Variants in PARD3B observed in about 807,000 individuals in gnomAD.
The protein encoded by PARD3B is partitioning defective 3 homolog B.
PARD3B carries 103 observed loss-of-function variants against 130.2 expected under a neutral mutation model. The observed-to-expected ratio is 0.79, with a 90% confidence interval of 0.67 to 0.93. The LOEUF (loss-of-function observed/expected upper bound fraction) is 0.93, where lower values mean the gene tolerates loss of function less well. PARD3B is among the 40% of genes least tolerant of loss of function. The pLI is 0.00. For synonymous variants in PARD3B, 583 were observed against 553.2 expected (o/e 1.05, Z -0.76); for missense variants, 1,609 against 1,499.2 (o/e 1.07, Z -1.21).
intron 16 of PARD3B, among the ~76,000 whole-genome samples, chr2:205,272,502 T>C (rs1454097171): frequency 6.6e-6 from 1 of 152,174 alleles, no homozygotes; most frequent in Non-Finnish European, 1.5e-5. Flanking sequence ...TGTGTTTGAC[T>C]GCAAATAACA....
intron 20 of PARD3B, among the ~76,000 whole-genome samples, chr2:205,466,820 C>A (rs2048640819): frequency 1.3e-5 from 2 of 152,224 alleles, no homozygotes; most frequent in South Asian, 2.1e-4. Flanking sequence ...TCAAGCGATT[C>A]TTCTGCCTCA....
intron 18 of PARD3B, among the ~76,000 whole-genome samples, chr2:205,368,952 G>T (rs1200869012): frequency 6.6e-6 from 1 of 152,048 alleles, no homozygotes; most frequent in African/African-American, 2.4e-5. Flanking sequence ...TGAATCAAAA[G>T]TTAGTGTGCT....
At chr2:204,884,950 T>C (rs1321893199) in intron 2 of PARD3B, among the ~76,000 whole-genome samples, 1 of 152,232 alleles carries the variant, frequency 6.6e-6, no homozygotes, top group Non-Finnish European at 1.5e-5. Flanking sequence ...CAAATGCATG[T>C]GTCTTTATAA....
rs891329480 is a variant in PARD3B at position 204,664,498 on chromosome 2, A to G, written c.121-21683A>G. On this transcript the variant is annotated intron_variant, in intron 1 of 22. Coordinates refer to ENST00000406610, the MANE Select transcript of PARD3B (RefSeq NM_001302769.2). The surrounding 1 kb of genome is among the most constrained non-coding windows in gnomAD (Gnocchi z 5.2). Reference sequence around the variant, plus strand: ...TACGTTTTGATCATTGGTCTGCTATATTGAATGCTGATTTTTTTTTCCAGT... The same window carrying G: ...TACGTTTTGATCATTGGTCTGCTATGTTGAATGCTGATTTTTTTTTCCAGT... Among the ~76,000 whole-genome samples, 3 of 152,140 alleles carry G rather than the reference A, an allele frequency of 2.0e-5. No individual in the cohort carries two copies. The highest frequency in any genetic ancestry group is 4.4e-5 in the Non-Finnish European group (3 of 68,030).
At chr2:205,080,331 C>T (rs1361500738) in intron 4 of PARD3B, among the ~76,000 whole-genome samples, 8 of 151,958 alleles carry the variant, frequency 5.3e-5, no homozygotes, top group African/African-American at 1.2e-4. Flanking sequence ...GCTCTGCTTC[C>T]GGTTATGTAT....
rs753577633 is a variant in PARD3B, at chr2:205,563,099, A to G, written c.3260+9696A>G. Among the ~76,000 whole-genome samples, 3 of 152,234 alleles carry G rather than the reference A, an allele frequency of 2.0e-5. No individual in the cohort carries two copies. Among genetic ancestry groups the G allele is most frequent in the Non-Finnish European group, 4.4e-5 (3 of 68,030 alleles). On this transcript the variant is annotated intron_variant, in intron 22 of 22. Transcript: ENST00000406610. This position sits in a 1 kb window ranked among gnomAD's most constrained non-coding sequence, Gnocchi z 4.2. ...AGTGCCTCACCAAATGCATGAATACATGATATTATTCAACAGGAGTAATTA... is the reference window on the plus strand; with the variant it reads ...AGTGCCTCACCAAATGCATGAATACGTGATATTATTCAACAGGAGTAATTA...
In PARD3B at chr2:205,301,000, T is replaced by C. The variant is rs145001570; in HGVS notation, c.2392+264T>C. ...TTTTCTACAAGGACCAACTGTCATT[T>C]ACCCTTAGGGTAGGAGCACTAAGTA... On this transcript the variant is annotated intron_variant, in intron 17 of 22. Coordinates refer to ENST00000406610, the MANE Select transcript of PARD3B (RefSeq NM_001302769.2). The surrounding 1 kb of genome is among the most constrained non-coding windows in gnomAD (Gnocchi z 4.1). Among the ~76,000 whole-genome samples, 883 of 152,362 alleles carry C rather than the reference T, an allele frequency of 5.8e-3. 6 individuals are homozygous for C. Among genetic ancestry groups the C allele is most frequent in the African/African-American group, 0.02 (848 of 41,584 alleles).
chr2:205,503,126 A>G (rs1310554026), intron 21 of PARD3B, among the ~76,000 whole-genome samples: 1 of 151,856 alleles, frequency 6.6e-6, no homozygotes, highest in African/African-American at 2.4e-5. Context: ...TATTTGCTAA[A>G]TCTTAGTGTA....
chr2:205,016,234 G>C (rs79734849), intron 3 of PARD3B, among the ~76,000 whole-genome samples: 3 of 152,144 alleles, frequency 2.0e-5, no homozygotes, highest in Admixed American at 1.3e-4. Flanking sequence ...CTTACCTGCT[G>C]GGAACTGTAA....
chr2:205,513,594 A>G (rs2050673820), intron 21 of PARD3B, among the ~76,000 whole-genome samples: 1 of 152,112 alleles, frequency 6.6e-6, no homozygotes, highest in South Asian at 2.1e-4. Context: ...AAGAATAGTC[A>G]TTTTCACGTA....
intron 18 of PARD3B, among the ~76,000 whole-genome samples, chr2:205,330,521 CTG>C (rs1323993026): frequency 6.6e-6 from 1 of 152,188 alleles, no homozygotes; most frequent in Non-Finnish European, 1.5e-5. Flanking sequence ...AGACCTGACT[CTG>C]TAGCTCCAGG....
At chr2:205,356,113 G>A (rs1400455032) in intron 18 of PARD3B, among the ~76,000 whole-genome samples, 1 of 152,158 alleles carries the variant, frequency 6.6e-6, no homozygotes, top group Non-Finnish European at 1.5e-5. Flanking sequence ...CACTGAGCAA[G>A]CCACTGGTGC....
chr2:205,553,125 A>G (rs1447620489), intron 21 of PARD3B, among the ~76,000 whole-genome samples, 199 bp from the exon 22 acceptor site: 1 of 152,212 alleles, frequency 6.6e-6, no homozygotes, highest in Non-Finnish European at 1.5e-5. Flanking sequence ...TTTTTGAAAG[A>G]AGTGACTTTG....
intron 19 of PARD3B, among the ~76,000 whole-genome samples, chr2:205,403,090 G>A (rs1574933207): frequency 2.6e-5 from 4 of 151,894 alleles, no homozygotes; most frequent in Admixed American, 2.6e-4. Flanking sequence ...TTCATGATAT[G>A]GCAATGAAAA....
At chr2:204,845,746 TA>T (rs1267215980) in intron 2 of PARD3B, among the ~76,000 whole-genome samples, 1 of 152,110 alleles carries the variant, frequency 6.6e-6, no homozygotes, top group Non-Finnish European at 1.5e-5. Flanking sequence ...TGTAAAACTA[TA>T]ACCTTCACAA....
intron 18 of PARD3B, among the ~76,000 whole-genome samples, chr2:205,324,626 G>A (rs1167750584): frequency 6.6e-6 from 1 of 151,990 alleles, no homozygotes; most frequent in East Asian, 1.9e-4. Flanking sequence ...TATTCCAGCT[G>A]TCATATTCTG....
chr2:205,274,523 A>G lies in PARD3B; in HGVS notation c.2186-26007A>G, dbSNP rs909285924. On this transcript the variant is annotated intron_variant, in intron 16 of 22. Coordinates refer to ENST00000406610, the MANE Select transcript of PARD3B (RefSeq NM_001302769.2). This position sits in a 1 kb window ranked among gnomAD's most constrained non-coding sequence, Gnocchi z 4.2. ...AATTATTAAATATGAATAGTATTAA[A>G]TGTGTGGTACATTGCTTTTTTTAAT... Among the ~76,000 whole-genome samples the G allele has an allele frequency of 2.0e-5, 2 of 101,588 alleles. No individual in the cohort carries two copies. Among genetic ancestry groups the G allele is most frequent in the Non-Finnish European group, 4.0e-5 (2 of 49,438 alleles). 66.6% of individuals were successfully genotyped at this position (101,588 alleles called of 152,430 possible).
Position 205,550,498 on chromosome 2 carries a change from C to CTATCT in PARD3B, c.3181-2824_3181-2820dup, listed in dbSNP as rs2052569656. Among the ~76,000 whole-genome samples, 1 of 152,154 alleles carries CTATCT rather than the reference C, an allele frequency of 6.6e-6. No homozygotes were observed. The highest frequency in any genetic ancestry group is 2.1e-4 in the South Asian group (1 of 4,826). ...AATTTCTTATGTGCAAGCTTGCTGCCTATCTTTTGAAGACTGGCCCAAGTT... is the reference window on the plus strand; with the variant it reads ...AATTTCTTATGTGCAAGCTTGCTGCCTATCTTATCTTTTGAAGACTGGCCCAAGTT... On this transcript the variant is annotated intron_variant, in intron 21 of 22. Coordinates refer to ENST00000406610, the MANE Select transcript of PARD3B (RefSeq NM_001302769.2). This position sits in a 1 kb window ranked among gnomAD's most constrained non-coding sequence, Gnocchi z 4.5.
Position 204,568,092 on chromosome 2 carries a change from C to A in PARD3B, c.120+21973C>A, listed in dbSNP as rs966945590. On this transcript the variant is annotated intron_variant, in intron 1 of 22. Transcript: ENST00000406610. Reference sequence around the variant, plus strand: ...AATGACAAATCAAAAGGGCAAATAACCTTTTAGACTTGAGAAAGAGTTTTG... The same window carrying A: ...AATGACAAATCAAAAGGGCAAATAAACTTTTAGACTTGAGAAAGAGTTTTG... Among the ~76,000 whole-genome samples the A allele has an allele frequency of 3.9e-5, 6 of 152,120 alleles. No homozygotes were observed. The South Asian group carries it at 1.2e-3, about 32-fold the overall frequency.
Sources: gnomAD v4.1 joint callset for allele counts (sites outside exome capture counted in the v4.1 genomes callset) on GRCh38, gnomAD v4.1.1 for gene constraint, Gnocchi (gnomAD v3.1) non-coding constraint, MANE v1.5 for transcripts, NCBI Gene and HGNC (gene_info 2026-07-23, HGNC 2026-07-21) for gene names.